Variants in E2F6 observed in about 807,000 individuals in gnomAD.
E2F6 encodes transcription factor E2F6.
Under a neutral mutation model 31.5 loss-of-function variants are expected in E2F6, and 19 were observed. That is an observed-to-expected ratio of 0.60 (90% CI 0.42 to 0.89). E2F6 has a LOEUF of 0.89. Among genes scored for constraint, E2F6 ranks in the 40% least tolerant of loss-of-function variants. E2F6 has a pLI of 0.00. For missense variants in E2F6, 269 were observed against 341.6 expected, an observed-to-expected ratio of 0.79 and a Z score of 1.67; for synonymous variants, 121 against 127.7, an observed-to-expected ratio of 0.95 and a Z score of 0.36.
intron 1 of E2F6, among the ~76,000 whole-genome samples, chr2:11,461,195 A>G (rs2148360486): frequency 6.6e-6 from 1 of 152,298 alleles, no homozygotes; most frequent in South Asian, 2.1e-4. Context: ...CCCCTCTGGC[A>G]AACAAGACTC....
intron 6 of E2F6, 89 bp from the exon 7 acceptor site, chr2:11,446,612 T>A: frequency 9.0e-7 from 1 of 1,116,348 alleles, no homozygotes; most frequent in Non-Finnish European, 1.3e-6. Context: ...ATACACAATC[T>A]GACTACTTCA....
intron 1 of E2F6, among the ~76,000 whole-genome samples, chr2:11,461,389 T>C (rs535102980): frequency 1.4e-3 from 207 of 152,328 alleles, no homozygotes; most frequent in Middle Eastern, 3.4e-3. Flanking sequence ...TTCACTCTTG[T>C]TGCCCAAGCT....
chr2:11,451,507 C>A (rs771511726), intron 4 of E2F6, 144 bp downstream of exon 4: 1 of 796,994 alleles, frequency 1.3e-6, no homozygotes, highest in African/African-American at 1.8e-5. Context: ...TGTGTGCCAC[C>A]ACGCCTGGCT....
At position 11,464,307 on chromosome 2, in the gene E2F6, G is replaced by C. The variant is rs187845407; in HGVS notation, c.108+1465C>G. ...AGGCGGGTGGATCACGAGGTCAGGA[G>C]ATTGAGACCATCCTGGCTTACACGG... On this transcript the variant is annotated intron_variant, in intron 1 of 6. Coordinates refer to ENST00000381525, the MANE Select transcript of E2F6 (RefSeq NM_198256.4). Among the ~76,000 whole-genome samples, 403 of 152,082 alleles carry C rather than the reference G, an allele frequency of 2.6e-3. 2 individuals are homozygous for C. Among genetic ancestry groups the C allele is most frequent in the Middle Eastern group, 0.01 (3 of 294 alleles).
intron 1 of E2F6, among the ~76,000 whole-genome samples, chr2:11,465,198 A>AG (rs1672079811): frequency 6.7e-6 from 1 of 149,112 alleles, no homozygotes. Context: ...AAAAAAAAAG[A>AG]AAAAAAAGAA....
chr2:11,465,201 A>G (rs535601464), intron 1 of E2F6, among the ~76,000 whole-genome samples: 39 of 151,806 alleles, frequency 2.6e-4, no homozygotes, highest in East Asian at 1.2e-3. Context: ...AAAAAAGAAA[A>G]AAAAGAAAGA....
chr2:11,452,049 A>C (rs906922715), intron 3 of E2F6, among the ~76,000 whole-genome samples: 4 of 152,216 alleles, frequency 2.6e-5, no homozygotes, highest in African/African-American at 9.7e-5. Flanking sequence ...ACCTAACAGA[A>C]ATTAATAACA....
intron 6 of E2F6, 22 bp from the exon 7 acceptor site, chr2:11,446,545 A>AAATACACCTAAGTG: frequency 1.2e-6 from 2 of 1,608,200 alleles, no homozygotes; most frequent in East Asian, 2.2e-5. Flanking sequence ...CACGAGAGAG[A>AAATACACCTAAGTG]AATACACCTA....
chr2:11,450,744 AT>A (rs952668303), intron 4 of E2F6, among the ~76,000 whole-genome samples: 4 of 145,718 alleles, frequency 2.7e-5, no homozygotes, highest in Admixed American at 1.4e-4. Flanking sequence ...TTTCTCTAGC[AT>A]TTTTTTTTTC....
rs979839476 is a variant in E2F6 at position 11,444,930 on chromosome 2, A to T, written c.*1547T>A. 1.3e-5 allele frequency: 2 copies of T among 152,180 alleles called. No homozygotes were observed. Among genetic ancestry groups the T allele is most frequent in the Non-Finnish European group, 2.9e-5 (2 of 68,044 alleles). 9.4% of individuals were successfully genotyped at this position (152,180 alleles called of 1,614,324 possible). On this transcript the variant is annotated 3_prime_UTR_variant, in exon 7 of 7. Transcript: ENST00000381525. ...GCCCCCTGCAGCTTTTCTTTGGCTA[A>T]TTTCAAATAATAAAACAGAGGGAGG...
In E2F6 at chr2:11,445,402, T is replaced by C. The variant is rs948274382; in HGVS notation, c.*1075A>G. 2.6e-5 allele frequency: 4 copies of C among 152,648 alleles called. No homozygotes were observed. Among genetic ancestry groups the C allele is most frequent in the African/African-American group, 9.6e-5 (4 of 41,456 alleles). 9.5% of individuals were successfully genotyped at this position (152,648 alleles called of 1,614,324 possible). On this transcript the variant is annotated 3_prime_UTR_variant, in exon 7 of 7. Transcript: ENST00000381525. Reference sequence around the variant, plus strand: ...GTCCCTCAAGGAGCTCACAGTCTAATGGTAAACTACAGAGTAAACTGAGGC... The same window carrying C: ...GTCCCTCAAGGAGCTCACAGTCTAACGGTAAACTACAGAGTAAACTGAGGC...
At chr2:11,453,543 A>G in intron 3 of E2F6, 39 bp downstream of exon 3, 1 of 1,585,572 alleles carries the variant, frequency 6.3e-7, no homozygotes. Flanking sequence ...ACTTGATGAG[A>G]AGGAACAAAA....
At position 11,451,823 on chromosome 2, in the gene E2F6, A is replaced by T. The variant is rs772518800; in HGVS notation, c.381-17T>A. 1.9e-6 allele frequency: 3 copies of T among 1,601,134 alleles called. 1 individual carries two copies. The South Asian group carries it at 3.4e-5, about 18-fold the overall frequency. On this transcript the variant is annotated splice_polypyrimidine_tract_variant and intron_variant, in intron 3 of 6. Transcript: ENST00000381525. Reference sequence around the variant, plus strand: ...TCAGATCCTCTTTAGAAGAAAAAAAATGTCAGCATCAATACCAACTAGGAG... The same window carrying T: ...TCAGATCCTCTTTAGAAGAAAAAAATTGTCAGCATCAATACCAACTAGGAG...
chr2:11,465,327 C>G (rs1672093627), intron 1 of E2F6, among the ~76,000 whole-genome samples: 1 of 152,056 alleles, frequency 6.6e-6, no homozygotes, highest in African/African-American at 2.4e-5. Context: ...ATTTCCTAAC[C>G]ATTTTCTCTG....
chr2:11,458,900 A>C (rs1671586946), intron 1 of E2F6, among the ~76,000 whole-genome samples: 1 of 152,180 alleles, frequency 6.6e-6, no homozygotes, highest in African/African-American at 2.4e-5. Flanking sequence ...GGGGGTAGGG[A>C]CTAGGTCTGG....
intron 1 of E2F6, among the ~76,000 whole-genome samples, chr2:11,465,210 G>C (rs1278663715): frequency 6.9e-6 from 1 of 143,898 alleles, no homozygotes; most frequent in Non-Finnish European, 1.5e-5. Flanking sequence ...AAAAAAGAAA[G>C]AAAAGAAAAA....
chr2:11,447,675 C>T lies in E2F6; in HGVS notation c.751G>A (p.Val251Ile). Reference sequence around the variant, plus strand: ...GTGCTCTCAGATGAAGAGGTCCCGACACCTTCAGACCTTTTGTTACTGGTC... The same window carrying T: ...GTGCTCTCAGATGAAGAGGTCCCGATACCTTCAGACCTTTTGTTACTGGTC... ...GQTSNKRSEG[V>I]GTSSSESTHP... The change falls in exon 6 of 7, where the codon GTC (valine) becomes ATC (isoleucine). Residue 251 changes from valine (V) to isoleucine (I), a missense_variant. Coordinates refer to ENST00000381525, the MANE Select transcript of E2F6 (RefSeq NM_198256.4). 1.2e-6 allele frequency: 2 copies of T among 1,612,060 alleles called. No homozygotes were observed. Among genetic ancestry groups the T allele is most frequent in the Non-Finnish European group, 1.7e-6 (2 of 1,179,894 alleles).
rs1402847864 is a variant in E2F6 at position 11,456,150 on chromosome 2, T to C, written c.163+1029A>G. On this transcript the variant is annotated intron_variant, in intron 2 of 6. Transcript: ENST00000381525. ...TCTGTCTACCCATTCTCTACTGCCT[T>C]GTTTCTTTTAATATGAAGTGGCTTA... 2.0e-5 allele frequency among the ~76,000 whole-genome samples: 3 copies of C among 152,342 alleles called. No individual in the cohort carries two copies. The East Asian group carries it at 5.8e-4, about 29-fold the overall frequency.
chr2:11,451,565 T>C lies in E2F6; in HGVS notation c.536+86A>G, dbSNP rs548345639. On this transcript the variant is annotated intron_variant, in intron 4 of 6. Coordinates refer to ENST00000381525, the MANE Select transcript of E2F6 (RefSeq NM_198256.4). ...GGTCTAATTTTATATCTTAAATATA[T>C]AAATTAAGTCCCCAAGCTGACTCTA... The C allele has an allele frequency of 2.1e-3, 2,687 of 1,309,968 alleles. 6 individuals carry two copies. Among genetic ancestry groups the C allele is most frequent in the Non-Finnish European group, 2.5e-3 (2,501 of 981,860 alleles). The allele number at this position is 1,309,968 out of a possible 1,614,324, so 81.1% of individuals were successfully genotyped here.
Sources: allele counts gnomAD v4.1 joint callset (sites outside exome capture counted in the v4.1 genomes callset), GRCh38; gene constraint gnomAD v4.1.1; transcripts MANE v1.5; gene names NCBI Gene and HGNC (gene_info 2026-07-23, HGNC 2026-07-21).